RUFY3: variants seen among roughly 807,000 people sequenced by gnomAD.
RUFY3 encodes protein RUFY3.
In RUFY3, 34 loss-of-function variants were observed where a neutral mutation model predicts 84.0. The ratio of observed to expected loss-of-function variants is 0.40; its 90% CI spans 0.31 to 0.54. The LOEUF (loss-of-function observed/expected upper bound fraction) is 0.54, where lower values mean the gene tolerates loss of function less well. Among genes scored for constraint, RUFY3 ranks in the 20% least tolerant of loss-of-function variants. The pLI is 0.39. For missense variants in RUFY3, 507 were observed against 736.8 expected (o/e 0.69, Z 3.61); for synonymous variants, 242 against 252.9 (o/e 0.96, Z 0.41).
chr4:70,785,393 C>T (rs1203616157), intron 10 of RUFY3, among the ~76,000 whole-genome samples: 1 of 151,920 alleles, frequency 6.6e-6, no homozygotes, highest in Admixed American at 6.6e-5. Context: ...GAGAGTATAT[C>T]ATCTCACTCT....
chr4:70,711,935 C>T (rs897341980), intron 1 of RUFY3, among the ~76,000 whole-genome samples: 2 of 152,204 alleles, frequency 1.3e-5, no homozygotes, highest in Non-Finnish European at 2.9e-5. Flanking sequence ...CTTTTTGTTG[C>T]ACCTATTCTT....
intron 1 of RUFY3, among the ~76,000 whole-genome samples, chr4:70,740,979 C>T (rs879789118): frequency 6.6e-6 from 1 of 152,112 alleles, no homozygotes; most frequent in Non-Finnish European, 1.5e-5. Flanking sequence ...TCATTTCCTG[C>T]AGAAATATTA....
At chr4:70,797,328 G>C (rs1731649107) in intron 14 of RUFY3, among the ~76,000 whole-genome samples, 1 of 152,044 alleles carries the variant, frequency 6.6e-6, no homozygotes, top group Admixed American at 6.5e-5. Context: ...GTTAATACAA[G>C]TTTATTTTGG....
At chr4:70,704,849 A>T in exon 1 of RUFY3, 1 of 857,880 alleles carries the variant, frequency 1.2e-6, no homozygotes, top group Non-Finnish European at 1.5e-6. Context: ...AGCGGACGGG[A>T]CGGGGCGGCG....
intron 10 of RUFY3, among the ~76,000 whole-genome samples, chr4:70,786,459 T>C (rs531720499): frequency 6.6e-6 from 1 of 152,088 alleles, no homozygotes; most frequent in East Asian, 1.9e-4. Context: ...TAATTTAATA[T>C]ACTCATGTAG....
At chr4:70,710,752 T>G (rs1309624955) in intron 1 of RUFY3, among the ~76,000 whole-genome samples, 1 of 151,572 alleles carries the variant, frequency 6.6e-6, no homozygotes, top group Non-Finnish European at 1.5e-5. Flanking sequence ...TATTAAAATT[T>G]TTAATTTATA....
chr4:70,788,826 G>A lies in RUFY3; in HGVS notation c.1092G>A (p.Glu364=). The change falls in exon 11 of 18, where the codon GAG becomes GAA. Residue 364 remains glutamate, a synonymous_variant. Coordinates refer to ENST00000381006, the MANE Select transcript of RUFY3 (RefSeq NM_001037442.4). ...QLRLDVEKEL[E]MQISMRQEME... ...GGCAGGATGTTGAGAAAGAACTGGA[G>A]ATGCAGATCAGCATGAGGCAGGAGA... 3 of 1,614,046 alleles carry A rather than the reference G, an allele frequency of 1.9e-6. No homozygotes were observed. Among genetic ancestry groups the A allele is most frequent in the Non-Finnish European group, 2.5e-6 (3 of 1,179,964 alleles).
rs59880902 is a variant in RUFY3 at position 70,722,414 on chromosome 4, CTT to C, written c.-147_-146del. On this transcript the variant is annotated 5_prime_UTR_variant, in exon 1 of 18. Transcript: ENST00000381006. ...GTTCTTAACCTATAAGGTATTTTTC[CTT>C]TTTTTTTTTTTTAAACCTCCCCCAC... 14,266 of 1,168,938 alleles carry C rather than the reference CTT, an allele frequency of 0.012. 1 individual carries two copies. Among genetic ancestry groups the C allele is most frequent in the East Asian group, 0.039 (1,308 of 33,284 alleles). The allele number at this position is 1,168,938 out of a possible 1,614,324, so 72.4% of individuals were successfully genotyped here.
chr4:70,728,444 A>G (rs1718670641), intron 1 of RUFY3, among the ~76,000 whole-genome samples: 1 of 152,248 alleles, frequency 6.6e-6, no homozygotes. Context: ...CTGAACACAT[A>G]TCACTTTCTC....
At chr4:70,802,555 CAT>C (rs1732356997) in intron 15 of RUFY3, among the ~76,000 whole-genome samples, 1 of 152,030 alleles carries the variant, frequency 6.6e-6, no homozygotes, top group African/African-American at 2.4e-5. Flanking sequence ...TGATACACAA[CAT>C]GTGATAATGG....
chr4:70,776,166 C>T lies in RUFY3; in HGVS notation c.824+933C>T, dbSNP rs200972122. On this transcript the variant is annotated intron_variant, in intron 7 of 17. Coordinates refer to ENST00000381006, the MANE Select transcript of RUFY3 (RefSeq NM_001037442.4). The stretch of plus-strand genomic sequence containing the variant: ...CTGAAACCACAGATAGTACCAAACC[C>T]TATATATGCTATGTTTTTTCCTATA... Among the ~76,000 whole-genome samples, 11 of 152,164 alleles carry T rather than the reference C, an allele frequency of 7.2e-5. No individual in the cohort carries two copies. In the East Asian group the frequency reaches 1.7e-3, roughly 24 times the overall value.
chr4:70,747,162 A>G (rs1722368128), intron 1 of RUFY3, among the ~76,000 whole-genome samples: 1 of 152,224 alleles, frequency 6.6e-6, no homozygotes, highest in Non-Finnish European at 1.5e-5. Flanking sequence ...CCAAGGTCAC[A>G]CAGCTAGGGA....
At chr4:70,787,187 A>AAAAAAAAAAAAATAT (rs1553920475) in intron 10 of RUFY3, among the ~76,000 whole-genome samples, 1 of 81,476 alleles carries the variant, frequency 1.2e-5, no homozygotes, top group African/African-American at 5.2e-5. Context: ...AAAAAAAAAA[A>AAAAAAAAAAAAATAT]ATATATATAT....
rs549412628 is a variant in RUFY3 at position 70,738,523 on chromosome 4, C to T, written c.178+15772C>T. 3.6e-4 allele frequency among the ~76,000 whole-genome samples: 54 copies of T among 151,160 alleles called. No individual in the cohort carries two copies. The East Asian group carries it at 0.01, about 29-fold the overall frequency. The stretch of plus-strand genomic sequence containing the variant: ...GACTACAGGCATGCGCCACCACGCC[C>T]GGCTAATTTTTTGTATTTTTGGTAG... On this transcript the variant is annotated intron_variant, in intron 1 of 17. Transcript: ENST00000381006.
In RUFY3 at chr4:70,806,902, T is replaced by C; in HGVS notation, c.*243T>C. 2.6e-6 allele frequency: 1 copy of C among 386,534 alleles called. No homozygotes were observed. The highest frequency in any genetic ancestry group is 4.3e-5 in the East Asian group (1 of 23,354). The allele number at this position is 386,534 out of a possible 1,614,324, so 23.9% of individuals were successfully genotyped here. A position where few individuals can be genotyped will look rare whatever the true frequency, so the allele number is the denominator to read the frequency against. ...TCTCTTCTAAATCTAAACAACCTGATATTGAAGGTTTGCTTTATAGCATAT... is the reference window on the plus strand; with the variant it reads ...TCTCTTCTAAATCTAAACAACCTGACATTGAAGGTTTGCTTTATAGCATAT... On this transcript the variant is annotated 3_prime_UTR_variant, in exon 18 of 18. Coordinates refer to ENST00000381006, the MANE Select transcript of RUFY3 (RefSeq NM_001037442.4).
chr4:70,713,625 C>G (rs771383038), intron 1 of RUFY3, among the ~76,000 whole-genome samples: 8 of 152,152 alleles, frequency 5.3e-5, no homozygotes, highest in Non-Finnish European at 1.2e-4. Context: ...GCCTGGCAGG[C>G]CAAGACAGCA....
intron 5 of RUFY3, among the ~76,000 whole-genome samples, chr4:70,771,904 A>C (rs1327767411): frequency 6.6e-6 from 1 of 152,146 alleles, no homozygotes; most frequent in East Asian, 1.9e-4. Flanking sequence ...GAAAATTATA[A>C]AGATGAGAAA....
At chr4:70,779,994 A>G (rs527582782) in intron 8 of RUFY3, among the ~76,000 whole-genome samples, 1 of 152,352 alleles carries the variant, frequency 6.6e-6, no homozygotes, top group South Asian at 2.1e-4. Flanking sequence ...CTTTAGAATG[A>G]ACATTTTCAT....
intron 1 of RUFY3, among the ~76,000 whole-genome samples, chr4:70,745,250 A>AT (rs773645213): frequency 1.1e-4 from 16 of 152,152 alleles, no homozygotes; most frequent in Admixed American, 2.6e-4. Flanking sequence ...GGCCTGAACT[A>AT]TTTTTTACAG....
Sources: gnomAD v4.1 joint callset for allele counts (sites outside exome capture counted in the v4.1 genomes callset) on GRCh38, gnomAD v4.1.1 for gene constraint, MANE v1.5 for transcripts, NCBI Gene and HGNC (gene_info 2026-07-23, HGNC 2026-07-21) for gene names.